MAST4: variants seen among roughly 807,000 people sequenced by gnomAD.
The protein encoded by MAST4 is microtubule-associated serine/threonine-protein kinase 4.
MAST4 carries 89 observed loss-of-function variants against 162.7 expected under a neutral mutation model. The ratio of observed to expected loss-of-function variants is 0.55; its 90% CI spans 0.46 to 0.65. The LOEUF is 0.65. MAST4 is among the 30% of genes least tolerant of loss of function. The pLI is 0.00. For synonymous variants in MAST4, 1,479 were observed against 1,361.1 expected (o/e 1.09, Z -1.91); for missense variants, 3,153 against 3,374.0 (o/e 0.93, Z 1.62).
rs1234083350 is a variant in MAST4 at position 67,093,626 on chromosome 5, T to C, written c.834-1971T>C. On this transcript the variant is annotated intron_variant, in intron 6 of 28. Coordinates refer to ENST00000403625, the MANE Select transcript of MAST4 (RefSeq NM_001164664.2). ...TAAACATCTTTCTAGTTGTGTGTTT[T>C]CTGGAGCAAGCAAATGTAATTTATG... The C allele has an allele frequency of 2.4e-5, 11 of 466,178 alleles. No individual in the cohort carries two copies. In the Admixed American group the frequency reaches 2.5e-4, roughly 11 times the overall value. 28.9% of individuals were successfully genotyped at this position (466,178 alleles called of 1,614,324 possible).
At chr5:66,791,336 T>C (rs757931346) in intron 3 of MAST4, among the ~76,000 whole-genome samples, 6 of 152,240 alleles carry the variant, frequency 3.9e-5, no homozygotes, top group Non-Finnish European at 7.3e-5. Flanking sequence ...TCTTAAGTAA[T>C]CTATCTTCTT....
At chr5:66,616,261 G>T (rs1743675554) in intron 1 of MAST4, among the ~76,000 whole-genome samples, 1 of 152,178 alleles carries the variant, frequency 6.6e-6, no homozygotes, top group African/African-American at 2.4e-5. Context: ...TTCACATTCA[G>T]TCCGTGTGAC....
At chr5:66,651,648 T>A (rs4554157) in intron 1 of MAST4, among the ~76,000 whole-genome samples, 41,230 of 151,892 alleles carry the variant, frequency 0.27, 5,802 homozygotes, top group African/African-American at 0.32. Flanking sequence ...TAAACAGCAT[T>A]ATCTGCTGGT....
intron 3 of MAST4, among the ~76,000 whole-genome samples, chr5:66,810,351 C>T (rs1187186119): frequency 6.6e-6 from 1 of 152,214 alleles, no homozygotes. Flanking sequence ...CCCACGCGGT[C>T]ACTCAGGCTG....
intron 1 of MAST4, among the ~76,000 whole-genome samples, chr5:66,687,655 T>G (rs62359992): frequency 4.7e-4 from 57 of 121,340 alleles, no homozygotes; most frequent in East Asian, 1.7e-3. Flanking sequence ...TATCTATCTA[T>G]CTATCTATCT....
chr5:67,024,185 C>A (rs996220661), intron 4 of MAST4, among the ~76,000 whole-genome samples: 1 of 151,182 alleles, frequency 6.6e-6, no homozygotes, highest in Non-Finnish European at 1.5e-5. Context: ...GCTTATTTCA[C>A]TTAGCACAAT....
chr5:66,838,909 C>G (rs1758224052), intron 3 of MAST4, among the ~76,000 whole-genome samples: 1 of 152,136 alleles, frequency 6.6e-6, no homozygotes, highest in African/African-American at 2.4e-5. Flanking sequence ...CATTGAAAGA[C>G]TGTAATCAGG....
chr5:67,004,776 G>C (rs1751766216), intron 4 of MAST4: 2 of 521,158 alleles, frequency 3.8e-6, no homozygotes, highest in Admixed American at 6.3e-5. Context: ...TTGAGAGGAG[G>C]CTGTGTGTTA....
intron 4 of MAST4, among the ~76,000 whole-genome samples, chr5:67,020,575 A>C (rs2150385453): frequency 6.6e-6 from 1 of 152,274 alleles, no homozygotes; most frequent in East Asian, 1.9e-4. Flanking sequence ...TAGACTTGGC[A>C]TTTTTTCTTC....
chr5:67,060,286 C>T (rs55728241), intron 5 of MAST4, among the ~76,000 whole-genome samples: 58 of 151,966 alleles, frequency 3.8e-4, no homozygotes, highest in Middle Eastern at 6.8e-3. Context: ...CTAAATTGGA[C>T]GGTGGTAAAG....
chr5:66,971,077 A>G (rs1747378271), intron 4 of MAST4, among the ~76,000 whole-genome samples: 1 of 151,960 alleles, frequency 6.6e-6, no homozygotes, highest in African/African-American at 2.4e-5. Context: ...CGGGACTTCA[A>G]TTTGTGGTCA....
chr5:66,904,161 T>G (rs1382391141), intron 4 of MAST4, among the ~76,000 whole-genome samples: 5 of 152,212 alleles, frequency 3.3e-5, no homozygotes, highest in Non-Finnish European at 7.3e-5. Flanking sequence ...GGGAAGTGTT[T>G]GTTTTCAGGC....
At chr5:66,983,437 A>G (rs1027731732) in intron 4 of MAST4, among the ~76,000 whole-genome samples, 1 of 152,176 alleles carries the variant, frequency 6.6e-6, no homozygotes, top group Non-Finnish European at 1.5e-5. Context: ...GGTGAAGAGA[A>G]GGTTATTTTA....
chr5:67,040,259 T>TA (rs1419677510), intron 4 of MAST4, among the ~76,000 whole-genome samples: 4 of 151,956 alleles, frequency 2.6e-5, no homozygotes, highest in Non-Finnish European at 5.9e-5. Context: ...TGAAATCCAC[T>TA]AAAAAACAAT....
At chr5:67,078,667 A>ATTTG (rs1388434079) in intron 5 of MAST4, among the ~76,000 whole-genome samples, 1 of 136,906 alleles carries the variant, frequency 7.3e-6, no homozygotes, top group African/African-American at 2.7e-5. Flanking sequence ...TTTATTTTAT[A>ATTTG]TTTATATTAT....
intron 1 of MAST4, among the ~76,000 whole-genome samples, chr5:66,650,898 AC>A (rs1349441856): frequency 6.6e-6 from 1 of 152,208 alleles, no homozygotes; most frequent in African/African-American, 2.4e-5. Flanking sequence ...GTTGATCAAA[AC>A]AAGTCTCATG....
intron 4 of MAST4, among the ~76,000 whole-genome samples, chr5:67,015,628 G>A (rs866535533): frequency 6.6e-6 from 1 of 152,142 alleles, no homozygotes; most frequent in South Asian, 2.1e-4. Flanking sequence ...TCCGAGTCCC[G>A]AAGGCTATAT....
At chr5:67,149,276 C>A in intron 23 of MAST4, 113 bp from the exon 24 acceptor site, 1 of 891,714 alleles carries the variant, frequency 1.1e-6, no homozygotes, top group South Asian at 1.6e-5. Context: ...TTACTGGCCA[C>A]ATAGGAGTAT....
chr5:66,857,152 G>C (rs1241754466), intron 3 of MAST4, among the ~76,000 whole-genome samples: 1 of 152,110 alleles, frequency 6.6e-6, no homozygotes, highest in Non-Finnish European at 1.5e-5. Flanking sequence ...TTTTTATTCT[G>C]TCATGTACGT....
Sources: gnomAD v4.1 joint callset for allele counts (sites outside exome capture counted in the v4.1 genomes callset) on GRCh38, gnomAD v4.1.1 for gene constraint, MANE v1.5 for transcripts, NCBI Gene and HGNC (gene_info 2026-07-23, HGNC 2026-07-21) for gene names.